Variants in MCF2L observed in about 807,000 individuals in gnomAD.
MCF2L encodes the protein guanine nucleotide exchange factor DBS.
Under a neutral mutation model 153.4 loss-of-function variants are expected in MCF2L, and 97 were observed. The ratio of observed to expected loss-of-function variants is 0.63; its 90% CI spans 0.54 to 0.75. The LOEUF (loss-of-function observed/expected upper bound fraction) is 0.75, where lower values mean the gene tolerates loss of function less well. Among genes scored for constraint, MCF2L ranks in the 30% least tolerant of loss-of-function variants. The pLI, the probability that MCF2L is intolerant of heterozygous loss-of-function variation, is 0.00. For synonymous variants in MCF2L, 659 were observed against 632.2 expected, an observed-to-expected ratio of 1.04 and a Z score of -0.64; for missense variants, 1,347 against 1,495.2, an observed-to-expected ratio of 0.90 and a Z score of 1.64.
intron 1 of MCF2L, among the ~76,000 whole-genome samples, chr13:112,897,483 C>T (rs2081078849): frequency 1.3e-5 from 2 of 152,198 alleles, no homozygotes; most frequent in Non-Finnish European, 2.9e-5. Flanking sequence ...ACAATGATGG[C>T]TCAAGCGGCC....
rs1300127203 is a variant in MCF2L at position 112,995,514 on chromosome 13, C to A, written c.80-19249C>A. ...TGGCAGTGTCTCAGGGCTGCCACTT[C>A]TGCCCCAGGAGAGCAGAGGGGAGCT... On this transcript the variant is annotated intron_variant, in intron 1 of 29. Transcript: ENST00000535094. 2.6e-5 allele frequency among the ~76,000 whole-genome samples: 4 copies of A among 152,334 alleles called. No individual in the cohort carries two copies. In the South Asian group the frequency reaches 6.2e-4, roughly 24 times the overall value.
rs1050374263 is a variant in MCF2L at position 112,932,205 on chromosome 13, G to A, written c.169+29834G>A. 6.6e-6 allele frequency among the ~76,000 whole-genome samples: 1 copy of A among 152,162 alleles called. No individual in the cohort carries two copies. On this transcript the variant is annotated intron_variant, in intron 2 of 29. Coordinates refer to the MCF2L transcript ENST00000375608. The surrounding 1 kb of genome is among the most constrained non-coding windows in gnomAD (Gnocchi z 4.6). ...AGGTCAGCACCGATGGCGACCAGGC[G>A]TGTAGACTCGTGCCCTGGGTAAGGC...
intron 2 of MCF2L, among the ~76,000 whole-genome samples, chr13:112,926,077 C>G (rs1278070360): frequency 1.3e-5 from 2 of 152,214 alleles, no homozygotes; most frequent in Non-Finnish European, 2.9e-5. Flanking sequence ...GGATCGGTCA[C>G]AGATGAGGGG....
chr13:113,087,820 C>T, intron 23 of MCF2L, 21 bp downstream of exon 23: 1 of 1,600,926 alleles, frequency 6.2e-7, no homozygotes, highest in Non-Finnish European at 8.6e-7. Flanking sequence ...CACCCTACCC[C>T]TGGCCTCTTA....
intron 1 of MCF2L, among the ~76,000 whole-genome samples, chr13:112,899,741 G>A (rs920610957): frequency 6.6e-6 from 1 of 152,204 alleles, no homozygotes; most frequent in East Asian, 1.9e-4. Flanking sequence ...CTGCGGAAGA[G>A]GATGGCCTGG....
chr13:112,923,333 G>A (rs1363011906), intron 2 of MCF2L, among the ~76,000 whole-genome samples: 6 of 140,706 alleles, frequency 4.3e-5, no homozygotes, highest in Admixed American at 1.5e-4. Flanking sequence ...GCAAGATCTC[G>A]GCTCACTGCA....
At chr13:113,090,075 G>A (rs1010800619) in intron 26 of MCF2L, 45 of 1,555,818 alleles carry the variant, frequency 2.9e-5, no homozygotes, top group Middle Eastern at 1.7e-4. Flanking sequence ...TAGATGACAC[G>A]GTCACTAGCT....
At chr13:113,096,209 G>A (rs991336161) in intron 27 of MCF2L, 162 bp from the exon 28 acceptor site, 28 of 630,530 alleles carry the variant, frequency 4.4e-5, no homozygotes, top group Non-Finnish European at 7.3e-5. Context: ...ATGCCCTGCG[G>A]CGTAGCCTCC....
intron 20 of MCF2L, 35 bp from the exon 21 acceptor site, chr13:113,086,089 G>T (rs1450036780): frequency 6.3e-7 from 1 of 1,585,148 alleles, no homozygotes; most frequent in Non-Finnish European, 8.6e-7. Context: ...GGCTCTCCGT[G>T]TCCCGACGCG....
chr13:113,021,994 A>C (rs938549828), intron 2 of MCF2L, among the ~76,000 whole-genome samples: 3 of 152,028 alleles, frequency 2.0e-5, no homozygotes, highest in African/African-American at 7.2e-5. Context: ...CCTGGCCCCC[A>C]TCCTCTCCCC....
At chr13:112,987,706 G>A (rs1289980405) in intron 1 of MCF2L, among the ~76,000 whole-genome samples, 2 of 152,222 alleles carry the variant, frequency 1.3e-5, no homozygotes, top group Non-Finnish European at 2.9e-5. Context: ...GGGCTCCCTC[G>A]CCCCCATCCG....
upstream of MCF2L, chr13:112,969,099 A>T (rs2081954508): frequency 4.1e-6 from 1 of 243,854 alleles, no homozygotes; most frequent in Admixed American, 5.7e-5. The surrounding 1 kb of genome is among the most constrained non-coding windows in gnomAD (Gnocchi z 4.8). Flanking sequence ...GTGCACTCAC[A>T]GGACTCCCAG....
At chr13:113,090,674 G>C in intron 26 of MCF2L, 1 of 985,492 alleles carries the variant, frequency 1.0e-6, no homozygotes, top group South Asian at 4.7e-5. Flanking sequence ...GGAGGCCCTG[G>C]AAGCCGGCCC....
chr13:113,010,255 C>T (rs919569003), intron 1 of MCF2L: 1 of 152,136 alleles, frequency 6.6e-6, no homozygotes, highest in Non-Finnish European at 1.5e-5. Flanking sequence ...CCTCCCACCC[C>T]GCAACACCCC....
chr13:112,918,957 G>A (rs920124836), intron 2 of MCF2L, among the ~76,000 whole-genome samples: 9 of 152,116 alleles, frequency 5.9e-5, no homozygotes, highest in African/African-American at 1.4e-4. Context: ...TCCCCGACGC[G>A]CGCCCCCTTC....
At chr13:112,961,851 T>A (rs1040254701) in intron 2 of MCF2L, among the ~76,000 whole-genome samples, 1 of 152,170 alleles carries the variant, frequency 6.6e-6, no homozygotes, top group African/African-American at 2.4e-5. Flanking sequence ...CAGAGGGGCC[T>A]CCTGCCTTGC....
Position 113,096,619 on chromosome 13 carries a change from C to T in MCF2L, c.3258C>T (p.Gly1086=). ...CCAGCAGCCTGTCCGTCCGGCTCGG[C>T]CCGTCCGGCTCGGCCCAGTGCCTGA... The part of the protein sequence containing the change: ...VPASSLSVRL[G]PSGSAQCLSS... The change falls in exon 29 of 30, where the codon GGC becomes GGT. Residue 1086 remains glycine (G), a synonymous_variant. Coordinates refer to ENST00000535094, the MANE Select transcript of MCF2L (RefSeq NM_001112732.3). The T allele has an allele frequency of 6.3e-7, 1 of 1,596,328 alleles. No individual in the cohort carries two copies. The highest frequency in any genetic ancestry group is 8.5e-7 in the Non-Finnish European group (1 of 1,176,374).
chr13:112,915,410 C>CAAAAAAAAAAAAAAAAAAAAAAAA lies in MCF2L; in HGVS notation c.169+13054_169+13055insAAAAAAAAAAAAAAAAAAAAAAAA, dbSNP rs779274453. 2.1e-3 allele frequency among the ~76,000 whole-genome samples: 186 copies of CAAAAAAAAAAAAAAAAAAAAAAAA among 86,786 alleles called. 17 individuals carry two copies. The highest frequency in any genetic ancestry group is 2.9e-3 in the African/African-American group (55 of 18,724). The allele number at this position is 86,786 out of a possible 152,430, so 56.9% of individuals were successfully genotyped here. On this transcript the variant is annotated intron_variant, in intron 2 of 29. Transcript: ENST00000375608. ...GGTGACAGAGCAAGACTCTGTCTCA[C>CAAAAAAAAAAAAAAAAAAAAAAAA]AAAAAAAAAAAAAAATCCATCCTCA...
chr13:112,927,587 A>G (rs1479968388), intron 2 of MCF2L, among the ~76,000 whole-genome samples: 2 of 152,258 alleles, frequency 1.3e-5, no homozygotes, highest in African/African-American at 2.4e-5. Flanking sequence ...AATACAGTCA[A>G]TTCCACAGCC....
Sources: gnomAD v4.1 joint callset for allele counts (sites outside exome capture counted in the v4.1 genomes callset) on GRCh38, gnomAD v4.1.1 for gene constraint, Gnocchi (gnomAD v3.1) non-coding constraint, MANE v1.5 for transcripts, NCBI Gene and HGNC (gene_info 2026-07-23, HGNC 2026-07-21) for gene names.